ANO5: variants seen among roughly 807,000 people sequenced by gnomAD.
ANO5 encodes the protein anoctamin-5.
Under a neutral mutation model 121.0 loss-of-function variants are expected in ANO5, and 109 were observed. That is an observed-to-expected ratio of 0.90 (90% confidence interval 0.77 to 1.06). The LOEUF (loss-of-function observed/expected upper bound fraction) is 1.06. ANO5 is among the 50% of genes least tolerant of loss of function. ANO5 has a pLI of 0.00. For missense variants in ANO5, 1,064 were observed against 1,078.5 expected (o/e 0.99, Z 0.19); for synonymous variants, 406 against 359.9 (o/e 1.13, Z -1.45).
chr11:22,204,801 A>T (rs1852060976), intron 2 of ANO5, among the ~76,000 whole-genome samples: 1 of 152,126 alleles, frequency 6.6e-6, no homozygotes, highest in Admixed American at 6.5e-5. Context: ...TTCCTCAAAG[A>T]CCTAAAGATA....
intron 12 of ANO5, among the ~76,000 whole-genome samples, chr11:22,254,757 A>G (rs914853775): frequency 1.3e-5 from 2 of 152,120 alleles, no homozygotes; most frequent in African/African-American, 2.4e-5. Context: ...GTAAATATAT[A>G]TTCTTCAATT....
chr11:22,247,988 G>A (rs1484111724), intron 9 of ANO5, among the ~76,000 whole-genome samples: 1 of 152,052 alleles, frequency 6.6e-6, no homozygotes, highest in Non-Finnish European at 1.5e-5. Context: ...GTGTGGTACA[G>A]ATAATGTTAT....
At position 22,250,290 on chromosome 11, in the gene ANO5, C is replaced by T. The variant is rs1564935740; in HGVS notation, c.932C>T (p.Thr311Ile). 1 of 1,610,612 alleles carries T rather than the reference C, an allele frequency of 6.2e-7. No homozygotes were observed. Among genetic ancestry groups the T allele is most frequent in the African/African-American group, 1.3e-5 (1 of 74,968 alleles). ...GIYFVFLGFY[T>I]EMLFFAAVVG... ...TATTTTGTCTTTCTTGGATTTTACA[C>T]AGAAATGCTATTCTTTGCAGCTGTA... Residue 311 changes from threonine (T) to isoleucine (I), a missense_variant, in exon 10 of 22, where the codon ACA (threonine) becomes ATA (isoleucine). Transcript: ENST00000324559.
At chr11:22,247,135 T>G (rs571533777) in intron 9 of ANO5, among the ~76,000 whole-genome samples, 153 of 152,226 alleles carry the variant, frequency 1.0e-3, no homozygotes, top group African/African-American at 3.4e-3. Flanking sequence ...AGCTTCACAG[T>G]GCTTTTGAAC....
intron 1 of ANO5, 30 bp downstream of exon 1, chr11:22,193,562 G>A (rs1167644562): frequency 1.2e-6 from 2 of 1,608,276 alleles, no homozygotes; most frequent in Non-Finnish European, 1.7e-6. Context: ...CGTCAAGGGA[G>A]AGCCAGGCTG....
chr11:22,276,433 T>C (rs1362244860), intron 21 of ANO5, among the ~76,000 whole-genome samples: 1 of 151,746 alleles, frequency 6.6e-6, no homozygotes, highest in Non-Finnish European at 1.5e-5. Flanking sequence ...GGAAAACAAA[T>C]ATGGTTTTTT....
chr11:22,279,191 T>G (rs564322467), intron 21 of ANO5, among the ~76,000 whole-genome samples: 1 of 152,048 alleles, frequency 6.6e-6, no homozygotes, highest in South Asian at 2.1e-4. Context: ...CTTTTTGGTT[T>G]CCACTATCAG....
Position 22,227,505 on chromosome 11 carries a change from A to G in ANO5, c.567A>G (p.Ala189=), listed in dbSNP as rs546565538. ...ATCCCCATCCTGAATATTTTACTGC[A>G]CAATTCAGCAGACATCGGCAGGAGC... The part of the protein sequence containing the change: ...VKYPHPEYFT[A]QFSRHRQELF... The change falls in exon 7 of 22, where the codon GCA becomes GCG. Residue 189 remains alanine (A), a synonymous_variant. Transcript: ENST00000324559. The G allele has an allele frequency of 8.7e-5, 141 of 1,613,620 alleles. 1 individual carries two copies. The South Asian group carries it at 1.4e-3, about 16-fold the overall frequency.
intron 12 of ANO5, 73 bp from the exon 13 acceptor site, chr11:22,255,298 T>C (rs1853961474): frequency 8.0e-7 from 1 of 1,245,530 alleles, no homozygotes; most frequent in African/African-American, 1.5e-5. Context: ...GCAACCAAAG[T>C]AATTAAAGGG....
intron 5 of ANO5, among the ~76,000 whole-genome samples, chr11:22,222,247 T>G (rs1381194678): frequency 6.6e-6 from 1 of 152,020 alleles, no homozygotes; most frequent in Non-Finnish European, 1.5e-5. Context: ...TTGTCATTTA[T>G]CTTTCTCTGC....
At chr11:22,203,126 A>C (rs889510844) in intron 1 of ANO5, among the ~76,000 whole-genome samples, 1 of 152,102 alleles carries the variant, frequency 6.6e-6, no homozygotes, top group African/African-American at 2.4e-5. Flanking sequence ...TTGAACTTAA[A>C]GTGCTAACAT....
intron 9 of ANO5, among the ~76,000 whole-genome samples, chr11:22,248,252 G>T (rs114006008): frequency 0.011 from 1,644 of 152,096 alleles, 41 homozygotes; most frequent in African/African-American, 0.038. Flanking sequence ...GTTAAATGGT[G>T]CAGTGCCACA....
rs920958732 is a variant in ANO5, at chr11:22,210,388, G to A, written c.88-876G>A. Among the ~76,000 whole-genome samples, 3 of 151,716 alleles carry A rather than the reference G, an allele frequency of 2.0e-5. No individual in the cohort carries two copies. The Admixed American group carries it at 2.0e-4, about 10-fold the overall frequency. Reference sequence around the variant, plus strand: ...TTCCAAGGTGCTCTTTGAGTATGTTGTAAATATGTCTGTTACACATTTTAT... The same window carrying A: ...TTCCAAGGTGCTCTTTGAGTATGTTATAAATATGTCTGTTACACATTTTAT... On this transcript the variant is annotated intron_variant, in intron 2 of 21. Coordinates refer to ENST00000324559, the MANE Select transcript of ANO5 (RefSeq NM_213599.3).
Position 22,213,085 on chromosome 11 carries a change from T to C in ANO5, c.138+1771T>C, listed in dbSNP as rs188002735. Among the ~76,000 whole-genome samples, 550 of 151,552 alleles carry C rather than the reference T, an allele frequency of 3.6e-3. 2 individuals carry two copies. Among genetic ancestry groups the C allele is most frequent in the African/African-American group, 0.013 (528 of 41,490 alleles). Reference sequence around the variant, plus strand: ...ATATAGTTTTAGATTTTATTATAAATCTATTTATTATAAATAAAATCTAAA... The same window carrying C: ...ATATAGTTTTAGATTTTATTATAAACCTATTTATTATAAATAAAATCTAAA... On this transcript the variant is annotated intron_variant, in intron 3 of 21. Transcript: ENST00000324559.
chr11:22,198,979 T>G (rs1851887571), intron 1 of ANO5, among the ~76,000 whole-genome samples: 1 of 152,192 alleles, frequency 6.6e-6, no homozygotes, highest in East Asian at 1.9e-4. Context: ...ATGATAATAC[T>G]GCATGATGTT....
At chr11:22,211,028 T>C (rs930733845) in intron 2 of ANO5, among the ~76,000 whole-genome samples, 1 of 151,938 alleles carries the variant, frequency 6.6e-6, no homozygotes. Flanking sequence ...CTTTCCTCAC[T>C]GCACAGACAA....
rs1590346467 is a variant in ANO5 at position 22,282,787 on chromosome 11, C to T, written c.*3022C>T. On this transcript the variant is annotated 3_prime_UTR_variant, in exon 22 of 22. Coordinates refer to ENST00000324559, the MANE Select transcript of ANO5 (RefSeq NM_213599.3). ...AGGTATGGATCTCTGTTGATTGACT[C>T]CAGTTGAAGGTGAGAAATCTGTACC... is the stretch of plus-strand genomic sequence containing the variant. 6.6e-6 allele frequency: 1 copy of T among 152,042 alleles called. No homozygotes were observed. The highest frequency in any genetic ancestry group is 2.1e-4 in the South Asian group (1 of 4,810). The allele number at this position is 152,042 out of a possible 1,614,324, so 9.4% of individuals were successfully genotyped here.
In ANO5 at chr11:22,274,823, T is replaced by G. The variant is rs1047324288; in HGVS notation, c.2414+76T>G. 5 of 1,519,114 alleles carry G rather than the reference T, an allele frequency of 3.3e-6. No individual in the cohort carries two copies. The South Asian group carries it at 5.8e-5, about 18-fold the overall frequency. 94.1% of individuals were successfully genotyped at this position (1,519,114 alleles called of 1,614,324 possible). On this transcript the variant is annotated intron_variant, in intron 20 of 21. Coordinates refer to ENST00000324559, the MANE Select transcript of ANO5 (RefSeq NM_213599.3). ...TTTCTTAAGTTATCTATTACCTTTC[T>G]GTCTTACAATATAAAGGATTTTCTT...
intron 5 of ANO5, among the ~76,000 whole-genome samples, chr11:22,221,635 A>G (rs1405961942): frequency 6.6e-6 from 1 of 151,878 alleles, no homozygotes; most frequent in Non-Finnish European, 1.5e-5. Context: ...ACATCACTTT[A>G]TGAGCTTATT....
Sources: allele counts gnomAD v4.1 joint callset (sites outside exome capture counted in the v4.1 genomes callset), GRCh38; gene constraint gnomAD v4.1.1; transcripts MANE v1.5; gene names NCBI Gene and HGNC (gene_info 2026-07-23, HGNC 2026-07-21).